The following TG variants were observed in gnomAD, a reference collection of about 807,000 sequenced individuals.
TG encodes thyroid hormones.
TG carries 270 observed loss-of-function variants against 324.7 expected under a neutral mutation model. The ratio of observed to expected loss-of-function variants is 0.83; its 90% confidence interval spans 0.75 to 0.92. The LOEUF (loss-of-function observed/expected upper bound fraction) is 0.92, where lower values mean the gene tolerates loss of function less well. Among genes scored for constraint, TG ranks in the 40% least tolerant of loss-of-function variants. TG has a pLI of 0.00. For missense variants in TG, 3,591 were observed against 3,456.4 expected, an observed-to-expected ratio of 1.04 and a Z score of -0.98; for synonymous variants, 1,401 against 1,327.0, an observed-to-expected ratio of 1.06 and a Z score of -1.21.
At chr8:133,107,480 A>G (rs888075016) in intron 43 of TG, among the ~76,000 whole-genome samples, 3 of 152,170 alleles carry the variant, frequency 2.0e-5, no homozygotes, top group African/African-American at 7.2e-5. Flanking sequence ...CAGCTTGTGG[A>G]AGTCAGCACA....
chr8:133,018,089 C>A, intron 38 of TG, 92 bp downstream of exon 38: 1 of 1,267,620 alleles, frequency 7.9e-7, no homozygotes, highest in Non-Finnish European at 1.1e-6. Flanking sequence ...CAGAGCAGTG[C>A]ATTTTGGATA....
At chr8:133,075,129 G>A (rs1020638137) in intron 41 of TG, 1 of 985,250 alleles carries the variant, frequency 1.0e-6, no homozygotes, top group African/African-American at 1.7e-5. Flanking sequence ...TCTCTGCAAG[G>A]ACTGGGAAGA....
At chr8:133,078,661 C>G (rs1268570194) in intron 41 of TG, among the ~76,000 whole-genome samples, 1 of 152,216 alleles carries the variant, frequency 6.6e-6, no homozygotes, top group Non-Finnish European at 1.5e-5. Context: ...CCAGGCAAGA[C>G]TAGGCCCTAC....
At chr8:132,927,336 G>C (rs542313310) in intron 22 of TG, among the ~76,000 whole-genome samples, 2 of 151,848 alleles carry the variant, frequency 1.3e-5, no homozygotes, top group South Asian at 4.2e-4. Flanking sequence ...ATCCTGGCTA[G>C]TGAGGGTTCA....
In TG at chr8:132,900,277, C is replaced by G; in HGVS notation, c.3371C>G (p.Thr1124Ser). 1 of 1,614,034 alleles carries G rather than the reference C, an allele frequency of 6.2e-7. No individual in the cohort carries two copies. The highest frequency in any genetic ancestry group is 8.5e-7 in the Non-Finnish European group (1 of 1,179,994). The change falls in exon 15 of 48, where the codon ACC (threonine) becomes AGC (serine). Residue 1124 changes from threonine to serine, a missense_variant. Coordinates refer to ENST00000220616, the MANE Select transcript of TG (RefSeq NM_003235.5). ...YARLQASGAGTWCVDPASGEE... is the reference protein window; with the variant it reads ...YARLQASGAGSWCVDPASGEE... ...AGGCTGCAGGCATCGGGGGCTGGCA[C>G]CTGGTGTGTGGACCCTGCATCAGGA...
rs1225078591 is a variant in TG, at chr8:133,021,996, T to A, written c.6882T>A (p.Pro2294=). 4 of 1,613,968 alleles carry A rather than the reference T, an allele frequency of 2.5e-6. No homozygotes were observed. Among genetic ancestry groups the A allele is most frequent in the African/African-American group, 1.3e-5 (1 of 74,890 alleles). The part of the protein sequence containing the change: ...LNVFIPQNVA[P]NASVLVFFHN... The stretch of plus-strand genomic sequence containing the variant: ...TGTTTCTCCAATACCCACAGGCCCC[T>A]AACGCGTCTGTGCTGGTGTTCTTCC... Residue 2294 remains proline (P), a synonymous_variant, in exon 40 of 48, where the codon CCT becomes CCA. Coordinates refer to ENST00000220616, the MANE Select transcript of TG (RefSeq NM_003235.5).
At chr8:132,919,246 T>G in intron 20 of TG, 130 bp from the exon 21 acceptor site, 26 of 984,238 alleles carry the variant, frequency 2.6e-5, no homozygotes, top group Non-Finnish European at 4.0e-5. Context: ...CAGTAGGTTC[T>G]CAGTGGACAT....
At chr8:133,009,560 C>T (rs767976242) in intron 35 of TG, among the ~76,000 whole-genome samples, 1 of 151,728 alleles carries the variant, frequency 6.6e-6, no homozygotes, top group Non-Finnish European at 1.5e-5. Context: ...AAAGTATAGA[C>T]ATGTCATAGA....
intron 41 of TG, chr8:133,050,752 C>T: frequency 1.8e-6 from 2 of 1,089,014 alleles, no homozygotes; most frequent in Admixed American, 3.4e-5. Context: ...CAATCAAATA[C>T]TTTTCTCCCA....
Position 133,109,442 on chromosome 8 carries a change from G to A in TG, c.7573-3980G>A, listed in dbSNP as rs1261101166. 2.6e-5 allele frequency among the ~76,000 whole-genome samples: 4 copies of A among 152,310 alleles called. No homozygotes were observed. The East Asian group carries it at 7.7e-4, about 29-fold the overall frequency. ...AGCAGGCGCAAAGGCTTAAAAGTAC[G>A]AGAGAACATTTGGTGTTGAGGAAAC... On this transcript the variant is annotated intron_variant, in intron 43 of 47. Coordinates refer to ENST00000220616, the MANE Select transcript of TG (RefSeq NM_003235.5).
intron 31 of TG, among the ~76,000 whole-genome samples, 199 bp from the exon 32 acceptor site, chr8:132,969,259 A>AT (rs1564018585): frequency 2.0e-5 from 3 of 151,818 alleles, no homozygotes; most frequent in Non-Finnish European, 2.9e-5. Flanking sequence ...CTGTGTCTCC[A>AT]CTTTTTTAAA....
In TG at chr8:133,116,792, C is replaced by G. The variant is rs188658346; in HGVS notation, c.7862+76C>G. On this transcript the variant is annotated intron_variant, in intron 45 of 47. Coordinates refer to ENST00000220616, the MANE Select transcript of TG (RefSeq NM_003235.5). Reference sequence around the variant, plus strand: ...TCCCAGTTCGATGACATGGGACACACCACTTAACCCCTCTAAGCCTCAGTT... The same window carrying G: ...TCCCAGTTCGATGACATGGGACACAGCACTTAACCCCTCTAAGCCTCAGTT... 2.1e-3 allele frequency: 2,473 copies of G among 1,162,358 alleles called. 8 individuals are homozygous for G. Among genetic ancestry groups the G allele is most frequent in the Middle Eastern group, 4.2e-3 (22 of 5,232 alleles). 72.0% of individuals were successfully genotyped at this position (1,162,358 alleles called of 1,614,324 possible). A position where few individuals can be genotyped will look rare whatever the true frequency, so the allele number is the denominator to read the frequency against.
At chr8:132,969,099 C>G (rs1255183032) in intron 31 of TG, among the ~76,000 whole-genome samples, 1 of 152,098 alleles carries the variant, frequency 6.6e-6, no homozygotes. Flanking sequence ...ACCTTCACCC[C>G]CAGGGCTGCC....
intron 3 of TG, among the ~76,000 whole-genome samples, chr8:132,871,024 C>A (rs1274222131): frequency 6.6e-6 from 1 of 152,184 alleles, no homozygotes; most frequent in Non-Finnish European, 1.5e-5. Flanking sequence ...TCCCCAGGAT[C>A]ACACAGAGAG....
At position 132,898,835 on chromosome 8, in the gene TG, G is replaced by A; in HGVS notation, c.3255G>A (p.Leu1085=). 6.2e-7 allele frequency: 1 copy of A among 1,614,152 alleles called. No individual in the cohort carries two copies. Among genetic ancestry groups the A allele is most frequent in the Non-Finnish European group, 8.5e-7 (1 of 1,180,036 alleles). The change falls in exon 14 of 48, where the codon CTG becomes CTA. Residue 1085 remains leucine (L), a synonymous_variant. Coordinates refer to ENST00000220616, the MANE Select transcript of TG (RefSeq NM_003235.5). ...TTCEKSRTSG[L]LSSWKQARSQ... ...GCGAGAAATCTCGAACCAGTGGGCT[G>A]CTTTCCAGTTGGAAACAGGCTAGAT...
chr8:133,055,363 GCGCACACACACACACACACACA>G lies in TG; in HGVS notation c.7239+25342_7239+25363del, dbSNP rs1179064522. Reference sequence around the variant, plus strand: ...ATCTTCAGGACACACACACGCACGCGCGCACACACACACACACACACACACACACACACACACACACACAGGA... The same window carrying G: ...ATCTTCAGGACACACACACGCACGCGCACACACACACACACACACACAGGA... On this transcript the variant is annotated intron_variant, in intron 41 of 47. Transcript: ENST00000220616. Among the ~76,000 whole-genome samples, 9 of 32,020 alleles carry G rather than the reference GCGCACACACACACACACACACA, an allele frequency of 2.8e-4. No homozygotes were observed. The East Asian group carries it at 4.2e-3, about 15-fold the overall frequency. 21.0% of individuals were successfully genotyped at this position (32,020 alleles called of 152,430 possible). A position where few individuals can be genotyped will look rare whatever the true frequency, so the allele number is the denominator to read the frequency against.
At chr8:132,914,724 CT>C (rs1432981563) in intron 20 of TG, among the ~76,000 whole-genome samples, 6 of 152,180 alleles carry the variant, frequency 3.9e-5, no homozygotes, top group African/African-American at 1.4e-4. Flanking sequence ...CCCAGGTCCT[CT>C]GGGACCAGAG....
Position 132,967,935 on chromosome 8 carries a change from T to A in TG, c.5828T>A (p.Leu1943Gln). 6.2e-7 allele frequency: 1 copy of A among 1,613,862 alleles called. No individual in the cohort carries two copies. Among genetic ancestry groups the A allele is most frequent in the Middle Eastern group, 1.7e-4 (1 of 6,014 alleles). ...ESNAQGCRLILPQMPKALFRK... is the reference protein window; with the variant it reads ...ESNAQGCRLIQPQMPKALFRK... Reference sequence around the variant, plus strand: ...AATGCCCAGGGCTGCAGACTGATCCTGCCTCAGATGCCAAAGGCCCTGTTC... The same window carrying A: ...AATGCCCAGGGCTGCAGACTGATCCAGCCTCAGATGCCAAAGGCCCTGTTC... Residue 1943 changes from leucine (L) to glutamine (Q), a missense_variant, in exon 31 of 48, where the codon CTG becomes CAG. Coordinates refer to ENST00000220616, the MANE Select transcript of TG (RefSeq NM_003235.5).
Position 132,901,568 on chromosome 8 carries a change from C to T in TG, c.3634+15C>T. 1 of 1,608,808 alleles carries T rather than the reference C, an allele frequency of 6.2e-7. No individual in the cohort carries two copies. Among genetic ancestry groups the T allele is most frequent in the Non-Finnish European group, 8.5e-7 (1 of 1,177,350 alleles). On this transcript the variant is annotated intron_variant, in intron 16 of 47. Coordinates refer to ENST00000220616, the MANE Select transcript of TG (RefSeq NM_003235.5). Reference sequence around the variant, plus strand: ...CGCCTGTGAGAGTAAGTCATGACCCCCTGGGGGGACGACGAGGCCTGCATA... The same window carrying T: ...CGCCTGTGAGAGTAAGTCATGACCCTCTGGGGGGACGACGAGGCCTGCATA...
Sources: gnomAD v4.1 joint callset for allele counts (sites outside exome capture counted in the v4.1 genomes callset) on GRCh38, gnomAD v4.1.1 for gene constraint, MANE v1.5 for transcripts, NCBI Gene and HGNC (gene_info 2026-07-23, HGNC 2026-07-21) for gene names.